The following GOLGA3 variants were observed in gnomAD, a reference collection of about 807,000 sequenced individuals.
The protein encoded by GOLGA3 is golgin subfamily A member 3.
In GOLGA3, 75 loss-of-function variants were observed where a neutral mutation model predicts 169.4. That is an observed-to-expected ratio of 0.44 (90% CI 0.37 to 0.54). GOLGA3 has a LOEUF of 0.54. GOLGA3 is among the 20% of genes least tolerant of loss of function. GOLGA3 has a pLI of 0.00. For synonymous variants in GOLGA3, 824 were observed against 822.4 expected (o/e 1.00, Z -0.03); for missense variants, 1,899 against 1,930.0 (o/e 0.98, Z 0.30).
intron 4 of GOLGA3, among the ~76,000 whole-genome samples, chr12:132,810,916 G>C (rs550675669): frequency 1.3e-5 from 2 of 152,174 alleles, no homozygotes; most frequent in African/African-American, 2.4e-5. Context: ...TCCTGTACAC[G>C]TGGCTCTGCC....
At position 132,800,913 on chromosome 12, in the gene GOLGA3, C is replaced by T. The variant is rs181958181; in HGVS notation, c.1800+854G>A. Among the ~76,000 whole-genome samples the T allele has an allele frequency of 1.6e-4, 25 of 152,240 alleles. No homozygotes were observed. In the East Asian group the frequency reaches 4.2e-3, roughly 26 times the overall value. ...GGTTGAGGCTGCAGTGAGCTGAGAT[C>T]GCACCACTGCTCTCCAGCCTGGGTG... On this transcript the variant is annotated intron_variant, in intron 8 of 23. Coordinates refer to ENST00000450791, the MANE Select transcript of GOLGA3 (RefSeq NM_001389683.1).
At position 132,769,019 on chromosome 12, in the gene GOLGA3, G is replaced by A. The variant is rs1215304587; in HGVS notation, c.*4086C>T. 2 of 152,578 alleles carry A rather than the reference G, an allele frequency of 1.3e-5. No homozygotes were observed. The highest frequency in any genetic ancestry group is 4.8e-5 in the African/African-American group (2 of 41,418). The allele number at this position is 152,578 out of a possible 1,614,324, so 9.5% of individuals were successfully genotyped here. A position where few individuals can be genotyped will look rare whatever the true frequency, so the allele number is the denominator to read the frequency against. On this transcript the variant is annotated 3_prime_UTR_variant, in exon 24 of 24. Transcript: ENST00000450791. The stretch of plus-strand genomic sequence containing the variant: ...TTTAAAGTTACACTTTGTCAGACAC[G>A]GTGACCCCTTTCCCAAGAACAGCCA...
In GOLGA3 at chr12:132,786,776, G is replaced by C. The variant is rs745652313; in HGVS notation, c.2823C>G (p.Phe941Leu). The C allele has an allele frequency of 5.0e-6, 8 of 1,610,610 alleles. No individual in the cohort carries two copies. In the Admixed American group the frequency reaches 1.0e-4, roughly 20 times the overall value. Residue 941 changes from phenylalanine to leucine, a missense_variant, in exon 14 of 24, where the codon TTC (phenylalanine) becomes TTG (leucine). Transcript: ENST00000450791. ...EMETHLQSLQ[F>L]DKEQMVAVTE... is the part of the protein sequence containing the mutation. The stretch of plus-strand genomic sequence containing the variant: ...TGACCGCGACCATCTGCTCCTTATC[G>C]AACTGCAACGACTGTGGAAGGGAAG...
chr12:132,796,802 G>GC (rs1016789251), intron 9 of GOLGA3, 102 bp from the exon 10 acceptor site: 7 of 1,156,042 alleles, frequency 6.1e-6, no homozygotes, highest in Non-Finnish European at 8.7e-6. Context: ...CCTGGCATGG[G>GC]CCCCATCCAC....
Position 132,808,356 on chromosome 12 carries a change from G to C in GOLGA3, c.713C>G (p.Ser238Cys). ...LPAHPREKKT[S>C]KSSKIRSLAD... is the part of the protein sequence containing the mutation. The stretch of plus-strand genomic sequence containing the variant: ...CAGAGACCGGATTTTGCTTGATTTG[G>C]AAGTTTTTTTCTCCCTAGGATGTGC... The change falls in exon 5 of 24, where the codon TCC becomes TGC. Residue 238 changes from serine (S) to cysteine (C), a missense_variant. By Grantham distance (112) the Ser-to-Cys change is moderately radical (BLOSUM62 -1). Coordinates refer to ENST00000450791, the MANE Select transcript of GOLGA3 (RefSeq NM_001389683.1). The C allele has an allele frequency of 6.2e-7, 1 of 1,614,088 alleles. No homozygotes were observed. Among genetic ancestry groups the C allele is most frequent in the Non-Finnish European group, 8.5e-7 (1 of 1,180,006 alleles).
intron 9 of GOLGA3, among the ~76,000 whole-genome samples, chr12:132,798,109 G>C (rs1948948675): frequency 7.2e-6 from 1 of 138,664 alleles, no homozygotes; most frequent in East Asian, 2.2e-4. Context: ...GGTGGGGGGG[G>C]TCCCAAAGCC....
chr12:132,807,936 T>A lies in GOLGA3; in HGVS notation c.1133A>T (p.Glu378Val). The change falls in exon 5 of 24, where the codon GAG becomes GTG. Residue 378 changes from glutamate (E) to valine (V), a missense_variant. Transcript: ENST00000450791. The part of the protein sequence containing the change: ...AAAEHQDQGQ[E>V]VNGEVRSRRD... ...CCGACTCCGCACCTCCCCGTTGACC[T>A]CCTGCCCCTGGTCTTGGTGCTCAGC... 1.3e-6 allele frequency: 2 copies of A among 1,579,046 alleles called. No individual in the cohort carries two copies. The highest frequency in any genetic ancestry group is 1.7e-6 in the Non-Finnish European group (2 of 1,158,944).
At position 132,813,409 on chromosome 12, in the gene GOLGA3, A is replaced by C. The variant is rs554178695; in HGVS notation, c.417T>G (p.Asp139Glu). 55 of 1,605,066 alleles carry C rather than the reference A, an allele frequency of 3.4e-5. No individual in the cohort carries two copies. Among genetic ancestry groups the C allele is most frequent in the Non-Finnish European group, 4.6e-5 (54 of 1,173,660 alleles). The change falls in exon 4 of 24, where the codon GAT becomes GAG. Residue 139 changes from aspartate (D) to glutamate (E), a missense_variant. By Grantham distance (45) the Asp-to-Glu change is conservative (BLOSUM62 2). Coordinates refer to ENST00000450791, the MANE Select transcript of GOLGA3 (RefSeq NM_001389683.1). ...CCTCCTTCTCCAGGGGCAGGGGAGA[A>C]TCTGTAGAGCCTGCAGTGGGAAAAG... ...PMQETQLCST[D>E]SPLPLEKEEQ...
chr12:132,814,878 G>T (rs958931931), intron 3 of GOLGA3, among the ~76,000 whole-genome samples: 1 of 152,216 alleles, frequency 6.6e-6, no homozygotes, highest in Admixed American at 6.5e-5. Flanking sequence ...ACGTGCCAAC[G>T]TGTTATAGTT....
intron 13 of GOLGA3, among the ~76,000 whole-genome samples, chr12:132,788,104 C>G (rs752157061): frequency 4.6e-5 from 7 of 152,068 alleles, no homozygotes; most frequent in Admixed American, 2.0e-4. Flanking sequence ...AAGCCTCCTA[C>G]AGTCCAAAGA....
intron 4 of GOLGA3, among the ~76,000 whole-genome samples, chr12:132,810,306 T>C (rs1949637169): frequency 6.6e-6 from 1 of 151,990 alleles, no homozygotes; most frequent in South Asian, 2.1e-4. Flanking sequence ...ATAACCACCT[T>C]AAATCCATAA....
intron 15 of GOLGA3, among the ~76,000 whole-genome samples, chr12:132,786,046 C>G (rs979251799): frequency 2.0e-5 from 3 of 152,220 alleles, no homozygotes; most frequent in Non-Finnish European, 4.4e-5. Flanking sequence ...AGGGCAGGCC[C>G]TCCCTCTGCC....
chr12:132,785,608 C>T (rs1432248529), intron 15 of GOLGA3, among the ~76,000 whole-genome samples: 3 of 152,162 alleles, frequency 2.0e-5, no homozygotes, highest in Non-Finnish European at 4.4e-5. Flanking sequence ...CCACCGTGCC[C>T]GGCCGAGTTT....
At chr12:132,810,253 C>CA (rs949305855) in intron 4 of GOLGA3, among the ~76,000 whole-genome samples, 5 of 151,224 alleles carry the variant, frequency 3.3e-5, no homozygotes, top group Admixed American at 2.6e-4. Flanking sequence ...GTCTCCAAAA[C>CA]AAAAAAAAAT....
chr12:132,794,025 C>T (rs1030850103), intron 11 of GOLGA3, among the ~76,000 whole-genome samples: 7 of 152,182 alleles, frequency 4.6e-5, no homozygotes, highest in Non-Finnish European at 8.8e-5. Context: ...CTCAGGAGCC[C>T]CCCTGCGAAG....
chr12:132,798,289 G>T, intron 9 of GOLGA3, 51 bp downstream of exon 9: 2 of 1,526,240 alleles, frequency 1.3e-6, no homozygotes, highest in Non-Finnish European at 8.9e-7. Flanking sequence ...ACATGGTATC[G>T]ATGTCTGCGT....
chr12:132,807,073 C>T (rs1366684229), intron 6 of GOLGA3, 104 bp downstream of exon 6: 8 of 636,064 alleles, frequency 1.3e-5, no homozygotes, highest in East Asian at 5.8e-5. Flanking sequence ...CATGCTGCGG[C>T]GGCTGATTCC....
At chr12:132,780,527 G>A (rs932889196) in intron 18 of GOLGA3, among the ~76,000 whole-genome samples, 8 of 152,254 alleles carry the variant, frequency 5.3e-5, no homozygotes, top group South Asian at 4.1e-4. Context: ...AATGCAACAC[G>A]ACATACAGGA....
chr12:132,799,173 T>C (rs1471745607), intron 8 of GOLGA3, among the ~76,000 whole-genome samples: 2 of 152,150 alleles, frequency 1.3e-5, no homozygotes, highest in Non-Finnish European at 2.9e-5. Context: ...CAGGAGAAGG[T>C]GCACGGAGCC....
Sources: allele counts gnomAD v4.1 joint callset (sites outside exome capture counted in the v4.1 genomes callset), GRCh38; gene constraint gnomAD v4.1.1; transcripts MANE v1.5; gene names NCBI Gene and HGNC (gene_info 2026-07-23, HGNC 2026-07-21).